PDGFA: variants seen among roughly 807,000 people sequenced by gnomAD.
PDGFA encodes platelet-derived growth factor subunit A.
PDGFA carries 9 observed loss-of-function variants against 25.6 expected under a neutral mutation model. The observed-to-expected ratio is 0.35, with a 90% CI of 0.21 to 0.61. PDGFA has a LOEUF of 0.61. Among genes scored for constraint, PDGFA ranks in the 20% least tolerant of loss-of-function variants. The pLI is 0.75. For synonymous variants in PDGFA, 133 were observed against 111.8 expected (o/e 1.19, Z -1.20); for missense variants, 242 against 272.8 (o/e 0.89, Z 0.79).
intron 2 of PDGFA, among the ~76,000 whole-genome samples, chr7:515,387 C>T (rs1016630650): frequency 1.3e-5 from 2 of 152,144 alleles, no homozygotes; most frequent in Non-Finnish European, 2.9e-5. Flanking sequence ...CGACAGAGAA[C>T]GGGAGTTGAA....
rs557583079 is a variant in PDGFA, at chr7:512,464, G to A, written c.161-9C>T. ...CAAAGAATCCTCACTCCCTGCAGGC[G>A]GAAGGAGAACACCGTGAATGCCCCA... On this transcript the variant is annotated splice_polypyrimidine_tract_variant and intron_variant, in intron 2 of 5. Transcript: ENST00000402802. 3.7e-5 allele frequency: 59 copies of A among 1,613,356 alleles called. No homozygotes were observed. The highest frequency in any genetic ancestry group is 3.3e-4 in the Middle Eastern group (2 of 6,084).
Position 517,348 on chromosome 7 carries a change from C to A in PDGFA, c.160+46G>T. On this transcript the variant is annotated intron_variant, in intron 2 of 5. Coordinates refer to ENST00000402802, the Ensembl canonical transcript of PDGFA. The surrounding 1 kb of genome is among the most constrained non-coding windows in gnomAD (Gnocchi z 7.4). ...GCCCCAGCTCGGGGCGCACAGGCCG[C>A]CCGCCCGCGCCCTCCCCGCGCGCGG... 1.0e-6 allele frequency: 1 copy of A among 991,620 alleles called. No homozygotes were observed. Among genetic ancestry groups the A allele is most frequent in the South Asian group, 2.2e-5 (1 of 45,042 alleles). The allele number at this position is 991,620 out of a possible 1,614,324, so 61.4% of individuals were successfully genotyped here.
chr7:503,630 C>T (rs557174797), intron 4 of PDGFA, among the ~76,000 whole-genome samples: 11 of 152,308 alleles, frequency 7.2e-5, no homozygotes, highest in African/African-American at 2.4e-4. Flanking sequence ...GTCAGCTCTG[C>T]ACCCTGGGAC....
intron 4 of PDGFA, among the ~76,000 whole-genome samples, chr7:510,576 CT>C (rs1194793250): frequency 1.8e-4 from 7 of 39,668 alleles, no homozygotes; most frequent in Non-Finnish European, 2.6e-4. Flanking sequence ...AGGGGCGGCC[CT>C]TGGGCTCGGG....
intron 2 of PDGFA, among the ~76,000 whole-genome samples, chr7:515,227 T>C (rs1334723304): frequency 6.6e-6 from 1 of 152,166 alleles, no homozygotes; most frequent in Admixed American, 6.5e-5. Context: ...GTTGGGTTTC[T>C]CCCAGCACCC....
rs575109166 is a variant in PDGFA at position 501,519 on chromosome 7, G to A, written c.454-277C>T. On this transcript the variant is annotated intron_variant, in intron 4 of 5. Coordinates refer to ENST00000402802, the Ensembl canonical transcript of PDGFA. ...TAGCCTCTGCAGCCTCAAGCTCTTG[G>A]GCTCAAGTGATCCTTCCACCTCAGC... 4.7e-4 allele frequency among the ~76,000 whole-genome samples: 72 copies of A among 152,282 alleles called. 1 individual carries two copies. Among genetic ancestry groups the A allele is most frequent in the African/African-American group, 1.7e-3 (72 of 41,554 alleles).
intron 4 of PDGFA, among the ~76,000 whole-genome samples, chr7:502,950 T>C (rs947948944): frequency 1.3e-5 from 2 of 151,904 alleles, no homozygotes; most frequent in Admixed American, 1.3e-4. Flanking sequence ...AGGGGCCCCA[T>C]CGTGGGAATC....
chr7:507,614 G>A (rs374827073), intron 4 of PDGFA, among the ~76,000 whole-genome samples: 5 of 152,302 alleles, frequency 3.3e-5, no homozygotes, highest in East Asian at 1.9e-4. Flanking sequence ...GCCTCTCCCC[G>A]TACCTCCAAG....
intron 4 of PDGFA, among the ~76,000 whole-genome samples, chr7:505,064 G>A (rs533144608): frequency 1.3e-5 from 2 of 152,308 alleles, no homozygotes; most frequent in Admixed American, 1.3e-4. Flanking sequence ...CCAGGATTCC[G>A]GGCCGTTCCG....
chr7:511,088 C>T, intron 3 of PDGFA, 92 bp from the exon 4 acceptor site: 2 of 972,026 alleles, frequency 2.1e-6, no homozygotes, highest in Non-Finnish European at 3.2e-6. Context: ...GCCTGGGGGG[C>T]AACCAGGGTA....
chr7:519,853 G>T (rs1783291519), upstream of PDGFA: 1 of 147,424 alleles, frequency 6.8e-6, no homozygotes, highest in Non-Finnish European at 1.5e-5. Context: ...GTGTGGAGCC[G>T]GCCGGCGGCG....
chr7:517,189 G>A lies in PDGFA; in HGVS notation c.160+205C>T, dbSNP rs1313336683. Among the ~76,000 whole-genome samples the A allele has an allele frequency of 6.6e-6, 1 of 151,740 alleles. No homozygotes were observed. The highest frequency in any genetic ancestry group is 1.5e-5 in the Non-Finnish European group (1 of 67,900). ...AAAGGCGAAAACAATCCCGGGGCGA[G>A]CGAGCAGCCCTCGGCCGCCGCTGGG... is the stretch of plus-strand genomic sequence containing the variant. On this transcript the variant is annotated intron_variant, in intron 2 of 5. Transcript: ENST00000402802. This position sits in a 1 kb window ranked among gnomAD's most constrained non-coding sequence, Gnocchi z 7.4.
chr7:518,816 T>C, intron 1 of PDGFA, 123 bp downstream of exon 1: 1 of 568,524 alleles, frequency 1.8e-6, no homozygotes, highest in South Asian at 2.6e-5. Flanking sequence ...GTTGGGAAAA[T>C]CTAAACATCG....
chr7:518,036 TCTCA>T (rs1783188046), intron 1 of PDGFA, among the ~76,000 whole-genome samples: 1 of 151,486 alleles, frequency 6.6e-6, no homozygotes, highest in East Asian at 2.0e-4. Flanking sequence ...CGCACACACA[TCTCA>T]CTCACACACT....
chr7:520,273 G>A (rs1485555792), upstream of PDGFA: 1 of 189,400 alleles, frequency 5.3e-6, no homozygotes, highest in Non-Finnish European at 1.1e-5. Flanking sequence ...GCCGGTCCCC[G>A]CCCCCGCCCC....
intron 4 of PDGFA, among the ~76,000 whole-genome samples, chr7:505,032 A>T (rs1049561886): frequency 6.6e-6 from 1 of 152,186 alleles, no homozygotes; most frequent in Non-Finnish European, 1.5e-5. Context: ...AACAGCGATG[A>T]TTGCACCTGT....
Position 507,686 on chromosome 7 carries a change from C to T in PDGFA, c.453+3123G>A, listed in dbSNP as rs529864329. Among the ~76,000 whole-genome samples the T allele has an allele frequency of 3.3e-5, 5 of 152,334 alleles. No homozygotes were observed. The South Asian group carries it at 6.2e-4, about 19-fold the overall frequency. On this transcript the variant is annotated intron_variant, in intron 4 of 5. Transcript: ENST00000402802. Reference sequence around the variant, plus strand: ...AATGAGAACAAGACCACAGGCATCCCGGACTCAGAGCTCACAAGGGCCTCC... The same window carrying T: ...AATGAGAACAAGACCACAGGCATCCTGGACTCAGAGCTCACAAGGGCCTCC...
In PDGFA at chr7:502,768, TCACACACACACACA is replaced by T. The variant is rs71016866; in HGVS notation, c.454-1540_454-1527del. On this transcript the variant is annotated intron_variant, in intron 4 of 5. Coordinates refer to ENST00000402802, the Ensembl canonical transcript of PDGFA. ...GGCATTCAACAAGAGAGGCAAGAAA[TCACACACACACACA>T]CACACACACACACACACACACACAC... Among the ~76,000 whole-genome samples, 45 of 126,118 alleles carry T rather than the reference TCACACACACACACA, an allele frequency of 3.6e-4. No homozygotes were observed. In the South Asian group the frequency reaches 6.9e-3, roughly 19 times the overall value. 82.7% of individuals were successfully genotyped at this position (126,118 alleles called of 152,430 possible).
At position 500,549 on chromosome 7, in the gene PDGFA, G is replaced by T. The variant is rs756655278; in HGVS notation, c.580+567C>A. 2 of 1,612,952 alleles carry T rather than the reference G, an allele frequency of 1.2e-6. No homozygotes were observed. The highest frequency in any genetic ancestry group is 2.7e-5 in the African/African-American group (2 of 74,856). On this transcript the variant is annotated intron_variant, in intron 5 of 5. Transcript: ENST00000402802. This position sits in a 1 kb window ranked among gnomAD's most constrained non-coding sequence, Gnocchi z 5.0. The stretch of plus-strand genomic sequence containing the variant: ...GAGTGGGCCGAGGGACGGCCGTCGG[G>T]GTGAAGAACTGAAGCAACAAATACC...
Sources: gnomAD v4.1 joint callset for allele counts (sites outside exome capture counted in the v4.1 genomes callset) on GRCh38, gnomAD v4.1.1 for gene constraint, Gnocchi (gnomAD v3.1) non-coding constraint, MANE v1.5 for transcripts, NCBI Gene and HGNC (gene_info 2026-07-23, HGNC 2026-07-21) for gene names.